Variants in TCP11L1 observed in about 807,000 individuals in gnomAD.
TCP11L1 encodes t-complex 11 like 1.
A neutral mutation model predicts 48.9 loss-of-function variants in TCP11L1; 28 were observed. That is an observed-to-expected ratio of 0.57 (90% CI 0.42 to 0.78). The LOEUF (loss-of-function observed/expected upper bound fraction) is 0.78, where lower values mean the gene tolerates loss of function less well. Ranked by LOEUF, TCP11L1 falls within the 30% of genes least tolerant of loss-of-function variation. TCP11L1 has a pLI of 0.00. For synonymous variants in TCP11L1, 204 were observed against 231.9 expected (o/e 0.88, Z 1.09); for missense variants, 505 against 613.4 (o/e 0.82, Z 1.87).
intron 2 of TCP11L1, among the ~76,000 whole-genome samples, chr11:33,052,166 A>G (rs563266838): frequency 2.0e-5 from 3 of 152,262 alleles, no homozygotes; most frequent in East Asian, 1.9e-4. Context: ...TGACAAAATA[A>G]TCTCTACAAC....
At chr11:33,060,861 A>G (rs1436234413) in intron 6 of TCP11L1, among the ~76,000 whole-genome samples, 1 of 152,222 alleles carries the variant, frequency 6.6e-6, no homozygotes, top group Admixed American at 6.5e-5. Flanking sequence ...TTTGGGGTCC[A>G]TCTCATGCAG....
intron 2 of TCP11L1, among the ~76,000 whole-genome samples, chr11:33,046,445 TA>T (rs1853995855): frequency 1.3e-5 from 2 of 152,400 alleles, no homozygotes; most frequent in Non-Finnish European, 2.9e-5. Context: ...AAGGCAAGAA[TA>T]CTTATCCTGG....
intron 8 of TCP11L1, among the ~76,000 whole-genome samples, chr11:33,067,519 C>G (rs2133745211): frequency 6.6e-6 from 1 of 152,330 alleles, no homozygotes; most frequent in East Asian, 1.9e-4. Flanking sequence ...AGGGCCTAGC[C>G]TGAGGCCTTT....
intron 3 of TCP11L1, chr11:33,056,574 T>C (rs1854314560): frequency 5.9e-6 from 1 of 169,862 alleles, no homozygotes; most frequent in Admixed American, 6.1e-5. Context: ...TATTATTTTA[T>C]TTTTTTGAGA....
At chr11:33,043,527 C>T (rs1393879033) in intron 1 of TCP11L1, among the ~76,000 whole-genome samples, 1 of 152,146 alleles carries the variant, frequency 6.6e-6, no homozygotes, top group East Asian at 1.9e-4. Context: ...CTAACTACTA[C>T]GTGAGATCCA....
At chr11:33,063,443 A>G (rs997675495) in intron 7 of TCP11L1, among the ~76,000 whole-genome samples, 4 of 152,204 alleles carry the variant, frequency 2.6e-5, no homozygotes, top group African/African-American at 7.2e-5. Context: ...CCCACCAGCA[A>G]TGTATGAGGC....
intron 1 of TCP11L1, among the ~76,000 whole-genome samples, chr11:33,041,548 C>T (rs1853832475): frequency 1.3e-5 from 2 of 151,980 alleles, no homozygotes; most frequent in Non-Finnish European, 1.5e-5. Context: ...GTCAGGAGTT[C>T]GAGACAAGCC....
Position 33,055,862 on chromosome 11 carries a change from A to G in TCP11L1, c.296+1137A>G, listed in dbSNP as rs928975086. On this transcript the variant is annotated intron_variant, in intron 3 of 9. Transcript: ENST00000334274. The stretch of plus-strand genomic sequence containing the variant: ...AGATGGAGTGTCGCTCTGTCGCCCA[A>G]GCTGGAGTACAGTGGCATGATCTTG... 9.9e-5 allele frequency among the ~76,000 whole-genome samples: 15 copies of G among 152,158 alleles called. 1 individual carries two copies. Among genetic ancestry groups the G allele is most frequent in the Non-Finnish European group, 2.9e-5 (2 of 68,032 alleles).
At chr11:33,059,190 C>A in intron 6 of TCP11L1, 95 bp downstream of exon 6, 1 of 1,496,062 alleles carries the variant, frequency 6.7e-7, no homozygotes, top group Non-Finnish European at 9.0e-7. Flanking sequence ...CAGAACAAAA[C>A]TAAAATTTAG....
intron 3 of TCP11L1, among the ~76,000 whole-genome samples, chr11:33,055,136 TAAGA>T (rs1463638059): frequency 6.6e-6 from 1 of 152,228 alleles, no homozygotes; most frequent in Non-Finnish European, 1.5e-5. Context: ...TGTGCTGTCA[TAAGA>T]AAGAGGAAAC....
In TCP11L1 at chr11:33,059,070, T is replaced by G. The variant is rs1407314748; in HGVS notation, c.750T>G (p.Phe250Leu). The stretch of plus-strand genomic sequence containing the variant: ...CAGTTGAATACGAAAGGAAGAAGTT[T>G]CAAGAGATTTTGGAGAGGCAACCAA... Reference protein sequence around the residue: ...QQSVEYERKKFQEILERQPNS... With the variant: ...QQSVEYERKKLQEILERQPNS... Residue 250 changes from phenylalanine (F) to leucine (L), a missense_variant, in exon 6 of 10, where the codon TTT becomes TTG. This residue lies in a region of TCP11L1 where 335 missense variants were observed against 413.3 expected (regional missense o/e 0.81). Coordinates refer to ENST00000334274, the MANE Select transcript of TCP11L1 (RefSeq NM_018393.4). 1 of 1,614,158 alleles carries G rather than the reference T, an allele frequency of 6.2e-7. No individual in the cohort carries two copies. The highest frequency in any genetic ancestry group is 8.5e-7 in the Non-Finnish European group (1 of 1,180,022).
At chr11:33,046,659 G>GT (rs1564974612) in intron 2 of TCP11L1, among the ~76,000 whole-genome samples, 1 of 152,170 alleles carries the variant, frequency 6.6e-6, no homozygotes, top group Non-Finnish European at 1.5e-5. Context: ...TGCTAGGTAG[G>GT]TACAGGGCTA....
At chr11:33,056,435 T>C (rs558870862) in intron 3 of TCP11L1, among the ~76,000 whole-genome samples, 9 of 152,214 alleles carry the variant, frequency 5.9e-5, no homozygotes, top group Admixed American at 2.0e-4. Context: ...TGAAATGTTA[T>C]GTTGTATATA....
At chr11:33,069,647 T>G (rs570313018) in intron 9 of TCP11L1, among the ~76,000 whole-genome samples, 12 of 152,192 alleles carry the variant, frequency 7.9e-5, no homozygotes, top group African/African-American at 2.9e-4. Context: ...CAGACTGGAG[T>G]GCAGTGATGC....
chr11:33,064,527 G>C (rs75413332), intron 7 of TCP11L1, among the ~76,000 whole-genome samples: 1 of 152,122 alleles, frequency 6.6e-6, no homozygotes, highest in African/African-American at 2.4e-5. Flanking sequence ...CCACACGGGT[G>C]GGGGCGCTGG....
intron 2 of TCP11L1, among the ~76,000 whole-genome samples, chr11:33,052,965 T>C (rs1854206450): frequency 6.6e-6 from 1 of 151,780 alleles, no homozygotes; most frequent in Non-Finnish European, 1.5e-5. Flanking sequence ...TGTACTCCTG[T>C]TGGTGACAGA....
Position 33,065,966 on chromosome 11 carries a change from AACTC to A in TCP11L1, c.1111_1114del (p.Leu371ArgfsTer2). The A allele has an allele frequency of 1.9e-6, 3 of 1,614,172 alleles. No homozygotes were observed. Among genetic ancestry groups the A allele is most frequent in the Non-Finnish European group, 2.5e-6 (3 of 1,180,008 alleles). On this transcript the variant is annotated frameshift_variant, in exon 8 of 10. Transcript: ENST00000334274. LOFTEE classifies it high-confidence loss of function. ...TCCAGCCAGGCCGACTTTGCTGAGA[AACTC>A]AAGATGATTGTGAAGATTTTGCTAA... is the stretch of plus-strand genomic sequence containing the variant.
rs763513210 is a variant in TCP11L1 at position 33,043,975 on chromosome 11, T to C, written c.163+39T>C. On this transcript the variant is annotated intron_variant, in intron 2 of 9. Transcript: ENST00000334274. ...ACTTTGGTTAGATGCAATATTGTCA[T>C]TGTTTTCAGGTGACGGTTTTATGAG... 19 of 1,552,460 alleles carry C rather than the reference T, an allele frequency of 1.2e-5. No homozygotes were observed. The African/African-American group carries it at 2.5e-4, about 20-fold the overall frequency.
In TCP11L1 at chr11:33,065,949, G is replaced by C; in HGVS notation, c.1092G>C (p.Gln364His). 1 of 1,614,222 alleles carries C rather than the reference G, an allele frequency of 6.2e-7. No individual in the cohort carries two copies. ...FSMAAPGISS[Q>H]ADFAEKLKMI... The stretch of plus-strand genomic sequence containing the variant: ...TGGCAGCGCCAGGAATTTCCAGCCA[G>C]GCCGACTTTGCTGAGAAACTCAAGA... Residue 364 changes from glutamine to histidine, a missense_variant, in exon 8 of 10, where the codon CAG (glutamine) becomes CAC (histidine). Physicochemically the swap from Gln to His is conservative, Grantham distance 24. Coordinates refer to ENST00000334274, the MANE Select transcript of TCP11L1 (RefSeq NM_018393.4).
Sources: allele counts gnomAD v4.1 joint callset (sites outside exome capture counted in the v4.1 genomes callset), GRCh38; gene constraint gnomAD v4.1.1; regional missense constraint gnomAD v4.1.1; transcripts MANE v1.5; gene names NCBI Gene and HGNC (gene_info 2026-07-23, HGNC 2026-07-21).